PDE4D: variants seen among roughly 807,000 people sequenced by gnomAD.
PDE4D encodes 3',5'-cyclic-AMP phosphodiesterase 4D.
PDE4D carries 24 observed loss-of-function variants against 87.4 expected under a neutral mutation model. That is an observed-to-expected ratio of 0.27 (90% CI 0.20 to 0.39). The LOEUF is 0.39. Ranked by LOEUF, PDE4D falls within the 10% of genes least tolerant of loss-of-function variation. PDE4D has a pLI of 1.00. For synonymous variants in PDE4D, 384 were observed against 383.2 expected (o/e 1.00, Z -0.02); for missense variants, 714 against 1,041.0 (o/e 0.69, Z 4.32).
chr5:59,802,396 CTTTTT>C (rs60356253), intron 1 of PDE4D, among the ~76,000 whole-genome samples: 4 of 110,376 alleles, frequency 3.6e-5, no homozygotes, highest in African/African-American at 1.1e-4. Context: ...CTTCCATATT[CTTTTT>C]TTTTTTTTTT....
At chr5:60,048,300 G>T (rs1769578873) in intron 2 of PDE4D, among the ~76,000 whole-genome samples, 1 of 152,152 alleles carries the variant, frequency 6.6e-6, no homozygotes, top group South Asian at 2.1e-4. Flanking sequence ...GCACACTGAT[G>T]GGTCTTGACT....
At chr5:60,373,373 C>T (rs970402820) in intron 1 of PDE4D, among the ~76,000 whole-genome samples, 1 of 152,318 alleles carries the variant, frequency 6.6e-6, no homozygotes, top group African/African-American at 2.4e-5. Context: ...CTATTCTCTT[C>T]CAACCAGGCT....
intron 3 of PDE4D, among the ~76,000 whole-genome samples, chr5:59,191,394 A>G (rs113125811): frequency 0.019 from 2,824 of 151,886 alleles, 86 homozygotes; most frequent in African/African-American, 0.062. Context: ...ATATTTATAT[A>G]TATTTTTTCT....
Position 59,649,905 on chromosome 5 carries a change from C to CTT in PDE4D, c.455+243261_455+243262dup, listed in dbSNP as rs1156467369. Among the ~76,000 whole-genome samples, 106 of 72,438 alleles carry CTT rather than the reference C, an allele frequency of 1.5e-3. 9 individuals carry two copies. Among genetic ancestry groups the CTT allele is most frequent in the South Asian group, 7.2e-3 (13 of 1,806 alleles). The allele number at this position is 72,438 out of a possible 152,430, so 47.5% of individuals were successfully genotyped here. On this transcript the variant is annotated intron_variant, in intron 1 of 14. Coordinates refer to ENST00000340635, the MANE Select transcript of PDE4D (RefSeq NM_001104631.2). ...GTTAAAATGTTGATAGTTTGTGAAC[C>CTT]TTTTTTTTTTTTTTTTTTTTTTTTT...
intron 1 of PDE4D, among the ~76,000 whole-genome samples, chr5:59,224,445 A>G (rs1452031844): frequency 6.6e-6 from 1 of 152,192 alleles, no homozygotes; most frequent in East Asian, 1.9e-4. Flanking sequence ...ACAGGGCAAT[A>G]AAGAGATTCA....
Position 59,893,369 on chromosome 5 carries a change from G to T in PDE4D, c.254C>A (p.Pro85Gln). Residue 85 changes from proline to glutamine, a missense_variant, in exon 1 of 15, where the codon CCG (proline) becomes CAG (glutamine). Pro to Gln is a moderately conservative substitution (Grantham distance 76). This residue lies in a region of PDE4D where 268 missense variants were observed against 272.9 expected (regional missense o/e 0.98). Transcript: ENST00000340635. Reference protein sequence around the residue: ...PPPPPPLPPPPPPPGAARGRY... With the variant: ...PPPPPPLPPPQPPPGAARGRY... ...GCCGCGGGCAGCCCCGGGCGGCGGC[G>T]GGGGCGGCGGCAGGGGGGGCGGCGG... 8.0e-7 allele frequency: 1 copy of T among 1,245,240 alleles called. No homozygotes were observed. Among genetic ancestry groups the T allele is most frequent in the Non-Finnish European group, 1.0e-6 (1 of 995,724 alleles). 77.1% of individuals were successfully genotyped at this position (1,245,240 alleles called of 1,614,324 possible). A position where few individuals can be genotyped will look rare whatever the true frequency, so the allele number is the denominator to read the frequency against.
chr5:59,530,316 A>G (rs1813975018), intron 1 of PDE4D, among the ~76,000 whole-genome samples: 1 of 152,180 alleles, frequency 6.6e-6, no homozygotes, highest in Non-Finnish European at 1.5e-5. Context: ...GGTACTTAAG[A>G]GGATACAAAC....
At chr5:59,127,584 T>A (rs1221869602) in intron 5 of PDE4D, among the ~76,000 whole-genome samples, 2 of 149,454 alleles carry the variant, frequency 1.3e-5, no homozygotes, top group African/African-American at 2.5e-5. Context: ...ACGACTTCCC[T>A]CTTTGCTTCT....
chr5:59,023,901 CTTTTTTTT>C, intron 6 of PDE4D, among the ~76,000 whole-genome samples: 1 of 133,274 alleles, frequency 7.5e-6, no homozygotes, highest in South Asian at 2.5e-4. Context: ...ATGAATTCTA[CTTTTTTTT>C]TTTTTTTTTT....
rs192042623 is a variant in PDE4D at position 59,666,794 on chromosome 5, G to C, written c.455+226374C>G. Among the ~76,000 whole-genome samples the C allele has an allele frequency of 3.3e-5, 5 of 152,340 alleles. No homozygotes were observed. In the East Asian group the frequency reaches 9.6e-4, roughly 29 times the overall value. On this transcript the variant is annotated intron_variant, in intron 1 of 14. Coordinates refer to ENST00000340635, the MANE Select transcript of PDE4D (RefSeq NM_001104631.2). Reference sequence around the variant, plus strand: ...CTGACTTCTGAATTCCAAGAAGAATGAAAGTGATGGCTTATAATTAGCATG... The same window carrying C: ...CTGACTTCTGAATTCCAAGAAGAATCAAAGTGATGGCTTATAATTAGCATG...
At chr5:60,439,916 T>TAA (rs551046470) in intron 1 of PDE4D, among the ~76,000 whole-genome samples, 1 of 132,220 alleles carries the variant, frequency 7.6e-6, no homozygotes, top group Non-Finnish European at 1.7e-5. Context: ...TTCCATTGTT[T>TAA]AAAAAAAAAA....
At chr5:59,814,193 G>T (rs1267445264) in intron 1 of PDE4D, among the ~76,000 whole-genome samples, 1 of 152,106 alleles carries the variant, frequency 6.6e-6, no homozygotes, top group Non-Finnish European at 1.5e-5. Flanking sequence ...TATAAAAAAA[G>T]ACAGTTTTTA....
At chr5:59,594,847 C>G (rs955124089) in intron 1 of PDE4D, among the ~76,000 whole-genome samples, 6 of 151,810 alleles carry the variant, frequency 4.0e-5, no homozygotes, top group Non-Finnish European at 7.4e-5. Flanking sequence ...ATATACAATA[C>G]TAAGAGTAAA....
chr5:59,523,454 G>A (rs6892851), intron 1 of PDE4D, among the ~76,000 whole-genome samples: 36 of 152,142 alleles, frequency 2.4e-4, no homozygotes, highest in African/African-American at 8.4e-4. Flanking sequence ...CTCCATATCT[G>A]TGCTGGAGTT....
At chr5:60,182,931 T>C (rs1325878110) in intron 2 of PDE4D, among the ~76,000 whole-genome samples, 1 of 151,908 alleles carries the variant, frequency 6.6e-6, no homozygotes, top group Non-Finnish European at 1.5e-5. Context: ...CAAATGTTTG[T>C]GTCCCCCTGA....
intron 5 of PDE4D, among the ~76,000 whole-genome samples, chr5:59,050,464 T>G (rs1396980328): frequency 6.6e-6 from 1 of 152,214 alleles, no homozygotes; most frequent in Non-Finnish European, 1.5e-5. Context: ...TTGTTAACTG[T>G]GTGTGCATTA....
intron 1 of PDE4D, among the ~76,000 whole-genome samples, chr5:59,702,133 T>G (rs1752663416): frequency 6.6e-6 from 1 of 152,174 alleles, no homozygotes; most frequent in Non-Finnish European, 1.5e-5. Context: ...TCCCTGCTTT[T>G]CTTTTTTTGA....
intron 2 of PDE4D, among the ~76,000 whole-genome samples, chr5:59,203,622 T>TAC (rs145207501): frequency 0.12 from 17,338 of 150,022 alleles, 1,208 homozygotes; most frequent in African/African-American, 0.19. Context: ...GAAAATGTTA[T>TAC]ATACACACAC....
intron 5 of PDE4D, among the ~76,000 whole-genome samples, chr5:59,161,009 T>A (rs919643778): frequency 2.0e-5 from 3 of 152,212 alleles, no homozygotes; most frequent in Admixed American, 2.0e-4. Context: ...GGCAGGAGAA[T>A]CACTTGAATC....
Sources: allele counts gnomAD v4.1 joint callset (sites outside exome capture counted in the v4.1 genomes callset), GRCh38; gene constraint gnomAD v4.1.1; regional missense constraint gnomAD v4.1.1; transcripts MANE v1.5; gene names NCBI Gene and HGNC (gene_info 2026-07-23, HGNC 2026-07-21).